Variants in RHBDD1 observed in about 807,000 individuals in gnomAD.
RHBDD1 encodes rhomboid domain containing 1.
A neutral mutation model predicts 36.3 loss-of-function variants in RHBDD1; 38 were observed. That is an observed-to-expected ratio of 1.05 (90% CI 0.81 to 1.37). The LOEUF (loss-of-function observed/expected upper bound fraction) is 1.37, where lower values mean the gene tolerates loss of function less well. RHBDD1 is among the 40% of genes most tolerant of loss of function. The probability of loss-of-function intolerance (pLI) is 0.00; values close to 1 mark genes in which losing one functional copy is unlikely to be tolerated. For synonymous variants in RHBDD1, 151 were observed against 136.5 expected (o/e 1.11, Z -0.74); for missense variants, 393 against 377.6 (o/e 1.04, Z -0.34).
At chr2:226,814,014 C>G in the RHBDD1 span, among the ~76,000 whole-genome samples, 222 of 152,254 alleles carry the variant, frequency 1.5e-3, 5 homozygotes, top group African/African-American at 5.2e-3. Flanking sequence ...TATTTCTTCT[C>G]TGAGAGTATG....
At chr2:226,985,247 T>C (rs1488593133) in intron 8 of RHBDD1, among the ~76,000 whole-genome samples, 2 of 152,214 alleles carry the variant, frequency 1.3e-5, no homozygotes, top group African/African-American at 2.4e-5. Flanking sequence ...TTCATATCCA[T>C]ATCTGTATCT....
intron 8 of RHBDD1, among the ~76,000 whole-genome samples, chr2:226,974,919 T>C (rs1298020097): frequency 6.6e-6 from 1 of 152,190 alleles, no homozygotes; most frequent in Non-Finnish European, 1.5e-5. Context: ...TTTCAGGCCA[T>C]GTATCTCTTC....
chr2:226,825,558 A>G, the RHBDD1 span, among the ~76,000 whole-genome samples: 1 of 152,236 alleles, frequency 6.6e-6, no homozygotes, highest in East Asian at 1.9e-4. Flanking sequence ...CTGGAAAGGA[A>G]TACATCATTC....
chr2:226,907,289 C>T (rs1198015045), intron 6 of RHBDD1, among the ~76,000 whole-genome samples: 1 of 152,128 alleles, frequency 6.6e-6, no homozygotes, highest in Non-Finnish European at 1.5e-5. Flanking sequence ...AAGTGCATGG[C>T]CAGTATTTTA....
intron 8 of RHBDD1, among the ~76,000 whole-genome samples, chr2:226,928,838 A>G (rs1432317007): frequency 6.6e-6 from 1 of 152,136 alleles, no homozygotes; most frequent in East Asian, 1.9e-4. Context: ...CCATCACCAC[A>G]GAAATACAAA....
At chr2:226,807,836 A>G in the RHBDD1 span, among the ~76,000 whole-genome samples, 70 of 152,330 alleles carry the variant, frequency 4.6e-4, no homozygotes, top group Admixed American at 2.7e-3. Context: ...GCTGTGACTC[A>G]GGCCTGTAAT....
At chr2:226,834,389 G>A (rs1940817631), upstream of RHBDD1, among the ~76,000 whole-genome samples, 1 of 152,176 alleles carries the variant, frequency 6.6e-6, no homozygotes, top group Admixed American at 6.5e-5. Flanking sequence ...GTCCAGAAAT[G>A]CAGTTTCTCA....
chr2:226,963,101 G>C (rs563796516), intron 8 of RHBDD1, among the ~76,000 whole-genome samples: 2 of 152,058 alleles, frequency 1.3e-5, no homozygotes, highest in African/African-American at 4.8e-5. Context: ...ACCCCCAAAA[G>C]TGTCCCCAGA....
chr2:226,992,526 C>T (rs1191308330), intron 8 of RHBDD1, among the ~76,000 whole-genome samples: 1 of 151,966 alleles, frequency 6.6e-6, no homozygotes, highest in Non-Finnish European at 1.5e-5. Flanking sequence ...ATTGTTATAC[C>T]CAAGGTCTTC....
At chr2:226,902,055 G>A (rs1947641189) in intron 5 of RHBDD1, among the ~76,000 whole-genome samples, 1 of 152,126 alleles carries the variant, frequency 6.6e-6, no homozygotes, top group South Asian at 2.1e-4. Context: ...GATAGAGGGT[G>A]GTAGGTCATA....
intron 3 of RHBDD1, among the ~76,000 whole-genome samples, chr2:226,843,387 T>A (rs1301222433): frequency 6.6e-6 from 1 of 152,222 alleles, no homozygotes; most frequent in Non-Finnish European, 1.5e-5. Context: ...GCCCATTCAA[T>A]ATGATATTGG....
chr2:226,969,847 T>C (rs1280824494), intron 8 of RHBDD1, among the ~76,000 whole-genome samples: 5 of 152,220 alleles, frequency 3.3e-5, no homozygotes, highest in African/African-American at 9.7e-5. Context: ...TGGTTTGTTT[T>C]CTTGTTTTAT....
At chr2:226,919,602 T>C (rs1949164896) in intron 8 of RHBDD1, among the ~76,000 whole-genome samples, 1 of 152,112 alleles carries the variant, frequency 6.6e-6, no homozygotes. Flanking sequence ...GTGTATTCTC[T>C]TGGCACCTTT....
chr2:226,802,814 A>G, the RHBDD1 span, among the ~76,000 whole-genome samples: 3 of 152,254 alleles, frequency 2.0e-5, no homozygotes, highest in Non-Finnish European at 4.4e-5. Flanking sequence ...TCACTAATAC[A>G]GTCCTAATTC....
chr2:226,931,277 A>G (rs1950015758), intron 8 of RHBDD1, among the ~76,000 whole-genome samples: 1 of 152,084 alleles, frequency 6.6e-6, no homozygotes, highest in Non-Finnish European at 1.5e-5. Flanking sequence ...AAAATGTGAT[A>G]TATATACACC....
At chr2:226,992,761 AG>A (rs1417784526) in intron 8 of RHBDD1, among the ~76,000 whole-genome samples, 1 of 152,194 alleles carries the variant, frequency 6.6e-6, no homozygotes, top group Non-Finnish European at 1.5e-5. Context: ...GAATGGTGAG[AG>A]GTGCAACCCT....
At chr2:226,941,507 A>G (rs1391619391) in intron 8 of RHBDD1, among the ~76,000 whole-genome samples, 1 of 152,232 alleles carries the variant, frequency 6.6e-6, no homozygotes, top group Non-Finnish European at 1.5e-5. Flanking sequence ...ATGAGCGTGC[A>G]GTTCGGGTTT....
intron 8 of RHBDD1, among the ~76,000 whole-genome samples, chr2:226,983,231 C>G (rs1956179615): frequency 6.6e-6 from 1 of 152,114 alleles, no homozygotes; most frequent in South Asian, 2.1e-4. Flanking sequence ...TGGAATCTTC[C>G]ATTAGAACCC....
chr2:226,928,274 G>C (rs1223612461), intron 8 of RHBDD1, among the ~76,000 whole-genome samples: 1 of 152,010 alleles, frequency 6.6e-6, no homozygotes, highest in Non-Finnish European at 1.5e-5. Context: ...TTCTGAAAAT[G>C]TAAAAAACTT....
Sources: allele counts gnomAD v4.1 joint callset (sites outside exome capture counted in the v4.1 genomes callset), GRCh38; gene constraint gnomAD v4.1.1; transcripts MANE v1.5; gene names NCBI Gene and HGNC (gene_info 2026-07-23, HGNC 2026-07-21).